The following ROPN1L variants were observed in gnomAD, a reference collection of about 807,000 sequenced individuals.
ROPN1L encodes the protein ropporin-1-like protein.
Under a neutral mutation model 22.7 loss-of-function variants are expected in ROPN1L, and 23 were observed. The ratio of observed to expected loss-of-function variants is 1.01; its 90% CI spans 0.73 to 1.43. The LOEUF (loss-of-function observed/expected upper bound fraction) is 1.43, where lower values mean the gene tolerates loss of function less well. Ranked by LOEUF, ROPN1L falls within the 40% of genes most tolerant of loss-of-function variation. The probability of loss-of-function intolerance (pLI) is 0.00; values close to 1 mark genes in which losing one functional copy is unlikely to be tolerated. For synonymous variants in ROPN1L, 116 were observed against 117.8 expected, an observed-to-expected ratio of 0.98 and a Z score of 0.10; for missense variants, 271 against 291.5, an observed-to-expected ratio of 0.93 and a Z score of 0.51.
intron 1 of ROPN1L, 47 bp from the exon 2 acceptor site, chr5:10,448,213 G>GT (rs775952291): frequency 1.0e-4 from 168 of 1,609,652 alleles, no homozygotes; most frequent in Non-Finnish European, 1.4e-4. Flanking sequence ...TCGCATAGCT[G>GT]TTTTTTGTGT....
At chr5:10,451,164 T>G (rs1226841656) in intron 3 of ROPN1L, among the ~76,000 whole-genome samples, 1 of 152,356 alleles carries the variant, frequency 6.6e-6, no homozygotes, top group African/African-American at 2.4e-5. Context: ...GTGGCCCCAG[T>G]GTGTATAACT....
At chr5:10,442,934 A>G (rs929995908) in intron 1 of ROPN1L, among the ~76,000 whole-genome samples, 5 of 152,254 alleles carry the variant, frequency 3.3e-5, no homozygotes, top group African/African-American at 9.6e-5. Context: ...ATTAAAAGAA[A>G]TCCTCTTGGT....
intron 1 of ROPN1L, among the ~76,000 whole-genome samples, chr5:10,444,998 A>G (rs1741009562): frequency 6.6e-6 from 1 of 152,138 alleles, no homozygotes; most frequent in South Asian, 2.1e-4. Flanking sequence ...TTTTTTAGAT[A>G]GAGTCTTTTT....
intron 3 of ROPN1L, among the ~76,000 whole-genome samples, chr5:10,459,252 C>T (rs1404493966): frequency 1.3e-5 from 2 of 149,666 alleles, no homozygotes; most frequent in African/African-American, 5.1e-5. Context: ...TTCCCAGGCC[C>T]CTGGCTGGAT....
chr5:10,463,699 C>G (rs1048815979), intron 4 of ROPN1L, among the ~76,000 whole-genome samples: 1 of 152,148 alleles, frequency 6.6e-6, no homozygotes, highest in Non-Finnish European at 1.5e-5. Flanking sequence ...GCGCAGGTGC[C>G]GGGGATGTAG....
intron 3 of ROPN1L, among the ~76,000 whole-genome samples, chr5:10,451,054 C>G (rs996648252): frequency 6.6e-6 from 1 of 152,182 alleles, no homozygotes; most frequent in Non-Finnish European, 1.5e-5. Context: ...AACCAGGCAT[C>G]TGCCATGTGA....
At chr5:10,473,984 T>A (rs1232230488), downstream of ROPN1L, among the ~76,000 whole-genome samples, 1 of 151,964 alleles carries the variant, frequency 6.6e-6, no homozygotes, top group African/African-American at 2.4e-5. Flanking sequence ...AATCCCCGTC[T>A]CTACTAAAAT....
intron 3 of ROPN1L, among the ~76,000 whole-genome samples, chr5:10,460,800 G>A (rs963478748): frequency 2.6e-5 from 4 of 152,244 alleles, no homozygotes; most frequent in Non-Finnish European, 5.9e-5. Flanking sequence ...CTGGCTGGTG[G>A]CAGAGTTCAT....
At chr5:10,475,370 C>T (rs1419854040), downstream of ROPN1L, among the ~76,000 whole-genome samples, 6 of 152,182 alleles carry the variant, frequency 3.9e-5, no homozygotes, top group South Asian at 2.1e-4. Context: ...GCCAGTTCCT[C>T]GTACCCCGAC....
At chr5:10,462,731 TA>T (rs1418312953) in intron 4 of ROPN1L, among the ~76,000 whole-genome samples, 5 of 152,042 alleles carry the variant, frequency 3.3e-5, no homozygotes, top group African/African-American at 1.2e-4. Context: ...CCATCTCTAC[TA>T]AAAAAATAAC....
chr5:10,478,991 G>C, the ROPN1L span, among the ~76,000 whole-genome samples: 7 of 152,194 alleles, frequency 4.6e-5, no homozygotes, highest in Non-Finnish European at 1.0e-4. Flanking sequence ...TGTCCACACA[G>C]AAGGATTAGG....
chr5:10,446,788 C>T (rs1289792890), intron 1 of ROPN1L, among the ~76,000 whole-genome samples: 3 of 152,102 alleles, frequency 2.0e-5, no homozygotes, highest in African/African-American at 7.2e-5. Flanking sequence ...GTATCTAGCT[C>T]GGGATTCCTT....
In ROPN1L at chr5:10,463,100, G is replaced by A. The variant is rs56006711; in HGVS notation, c.593+1741G>A. ...TCTGATGAACTTGCTATATGACCCC[G>A]ACACATTGCATGTTATGTTGTATTT... is the stretch of plus-strand genomic sequence containing the variant. On this transcript the variant is annotated intron_variant, in intron 4 of 4. Transcript: ENST00000274134. Among the ~76,000 whole-genome samples the A allele has an allele frequency of 9.6e-3, 1,463 of 152,244 alleles. 8 individuals are homozygous for A. The highest frequency in any genetic ancestry group is 0.017 in the Non-Finnish European group (1,130 of 68,018).
chr5:10,444,221 A>T (rs1420746881), intron 1 of ROPN1L, among the ~76,000 whole-genome samples: 4 of 152,214 alleles, frequency 2.6e-5, no homozygotes, highest in African/African-American at 9.6e-5. Flanking sequence ...ATTTAGCAAC[A>T]TCTTCTTGGA....
At chr5:10,467,459 C>A (rs565674413), downstream of ROPN1L, among the ~76,000 whole-genome samples, 2 of 152,282 alleles carry the variant, frequency 1.3e-5, no homozygotes, top group Admixed American at 1.3e-4. Flanking sequence ...CTGTGCCTTT[C>A]TCCAAGGGTG....
intron 3 of ROPN1L, among the ~76,000 whole-genome samples, chr5:10,460,477 C>T (rs571147578): frequency 6.8e-4 from 104 of 152,174 alleles, no homozygotes; most frequent in Non-Finnish European, 1.0e-3. Flanking sequence ...AAAGTGTCTG[C>T]CGTGTGGAGG....
At chr5:10,444,294 A>G (rs1740984121) in intron 1 of ROPN1L, among the ~76,000 whole-genome samples, 1 of 151,976 alleles carries the variant, frequency 6.6e-6, no homozygotes, top group Non-Finnish European at 1.5e-5. Flanking sequence ...TTGTTTATTT[A>G]TTTATTTATT....
At chr5:10,445,800 G>A (rs988923719) in intron 1 of ROPN1L, among the ~76,000 whole-genome samples, 4 of 152,204 alleles carry the variant, frequency 2.6e-5, no homozygotes, top group Admixed American at 2.6e-4. Flanking sequence ...ATGCATGTCT[G>A]TAATCCCAGC....
chr5:10,473,867 T>G (rs1052757893), downstream of ROPN1L, among the ~76,000 whole-genome samples: 10 of 152,168 alleles, frequency 6.6e-5, no homozygotes, highest in African/African-American at 2.2e-4. Flanking sequence ...AGAAAAATTT[T>G]CTGGCTGGGC....
Sources: gnomAD v4.1 joint callset for allele counts (sites outside exome capture counted in the v4.1 genomes callset) on GRCh38, gnomAD v4.1.1 for gene constraint, MANE v1.5 for transcripts, NCBI Gene and HGNC (gene_info 2026-07-23, HGNC 2026-07-21) for gene names.